Variants in PFAS observed in about 807,000 individuals in gnomAD.
The protein encoded by PFAS is phosphoribosylformylglycinamidine synthase.
PFAS carries 97 observed loss-of-function variants against 140.6 expected under a neutral mutation model. That is an observed-to-expected ratio of 0.69 (90% CI 0.59 to 0.82). PFAS has a LOEUF of 0.82. PFAS is among the 40% of genes least tolerant of loss of function. The probability of loss-of-function intolerance (pLI) is 0.00; values close to 1 mark genes in which losing one functional copy is unlikely to be tolerated. For synonymous variants in PFAS, 679 were observed against 718.8 expected (o/e 0.94, Z 0.88); for missense variants, 1,656 against 1,780.2 (o/e 0.93, Z 1.26).
chr17:8,256,121 A>G, intron 6 of PFAS, 146 bp from the exon 7 acceptor site: 1 of 911,838 alleles, frequency 1.1e-6, no homozygotes, highest in Non-Finnish European at 1.6e-6. Flanking sequence ...ATACTTGAAG[A>G]TTATGACTTT....
At chr17:8,261,351 C>G (rs558866527) in intron 11 of PFAS, among the ~76,000 whole-genome samples, 3 of 152,040 alleles carry the variant, frequency 2.0e-5, no homozygotes, top group East Asian at 3.9e-4. Flanking sequence ...ATTCCCCTGC[C>G]TCAGCCTCCC....
Position 8,266,428 on chromosome 17 carries a change from A to G in PFAS, c.2821+75A>G. 6.3e-7 allele frequency: 1 copy of G among 1,591,192 alleles called. No individual in the cohort carries two copies. The highest frequency in any genetic ancestry group is 2.2e-5 in the East Asian group (1 of 44,682). ...GCAGACCCCATTTCCAATATATTAA[A>G]GAGTGGAGTGCCCTCCAGTCCCCTT... On this transcript the variant is annotated intron_variant, in intron 22 of 27. Coordinates refer to ENST00000314666, the MANE Select transcript of PFAS (RefSeq NM_012393.3). The surrounding 1 kb of genome is among the most constrained non-coding windows in gnomAD (Gnocchi z 5.0).
At position 8,267,157 on chromosome 17, in the gene PFAS, C is replaced by T. The variant is rs146397875; in HGVS notation, c.3097C>T (p.Arg1033Trp). 5.2e-5 allele frequency: 83 copies of T among 1,610,600 alleles called. No homozygotes were observed. In the African/African-American group the frequency reaches 8.0e-4, roughly 16 times the overall value. The change falls in exon 24 of 28, where the codon CGG becomes TGG. Residue 1033 changes from arginine (R) to tryptophan (W), a missense_variant. Arg to Trp is a moderately radical substitution (Grantham distance 101). Transcript: ENST00000314666. The surrounding 1 kb of genome is among the most constrained non-coding windows in gnomAD (Gnocchi z 4.9). Reference protein sequence around the residue: ...AEPRCVAEEERGLRERMGPSY... With the variant: ...AEPRCVAEEEWGLRERMGPSY... ...GCCTCGCTGTGTGGCAGAGGAGGAA[C>T]GGGGCCTGAGGGAGCGGATGGGGCC...
At chr17:8,252,565 G>A (rs779037922) in intron 1 of PFAS, among the ~76,000 whole-genome samples, 2 of 151,362 alleles carry the variant, frequency 1.3e-5, no homozygotes, top group Non-Finnish European at 1.5e-5. Context: ...CACCACGCCC[G>A]GCTAATTTTG....
rs759024242 is a variant in PFAS at position 8,269,082 on chromosome 17, G to C, written c.3835G>C (p.Gly1279Arg). 1 of 1,614,162 alleles carries C rather than the reference G, an allele frequency of 6.2e-7. No individual in the cohort carries two copies. The highest frequency in any genetic ancestry group is 8.5e-7 in the Non-Finnish European group (1 of 1,179,996). Residue 1279 changes from glycine to arginine, a missense_variant, in exon 28 of 28, where the codon GGG becomes CGG. Physicochemically the swap from Gly to Arg is moderately radical, Grantham distance 125 (BLOSUM62 -2). Around this residue, in one of 2 missense-constraint regions of PFAS, gnomAD observed 883 missense variants for 1,023.0 expected, o/e 0.86. Transcript: ENST00000314666. ...CCCTCTGAATCCCAATGGGTCCCCAGGGGGCGTGGCTGGCATCTGCTCCTG... is the reference window on the plus strand; with the variant it reads ...CCCTCTGAATCCCAATGGGTCCCCACGGGGCGTGGCTGGCATCTGCTCCTG... ...QYPLNPNGSP[G>R]GVAGICSCDG...
Position 8,269,446 on chromosome 17 carries a change from G to T in PFAS, c.*182G>T. ...CTGCTGATGTTCCTTCTGTGGCTGT[G>T]TCTATTTTCAGTTCTGCTCTAACAT... On this transcript the variant is annotated 3_prime_UTR_variant, in exon 28 of 28. Transcript: ENST00000314666. The T allele has an allele frequency of 3.4e-6, 2 of 582,612 alleles. No homozygotes were observed. Among genetic ancestry groups the T allele is most frequent in the South Asian group, 2.2e-5 (1 of 44,846 alleles). 36.1% of individuals were successfully genotyped at this position (582,612 alleles called of 1,614,324 possible).
intron 3 of PFAS, 40 bp from the exon 4 acceptor site, chr17:8,254,987 C>A (rs764923770): frequency 1.4e-6 from 2 of 1,443,492 alleles, no homozygotes; most frequent in African/African-American, 1.4e-5. Flanking sequence ...TGAGGCCTGC[C>A]GGGGGTTCTC....
intron 1 of PFAS, among the ~76,000 whole-genome samples, chr17:8,251,916 G>A (rs1267136009): frequency 6.6e-6 from 1 of 151,742 alleles, no homozygotes; most frequent in Non-Finnish European, 1.5e-5. Flanking sequence ...CAAGTGATCT[G>A]CCCCTCTTGG....
In PFAS at chr17:8,266,750, C is replaced by T. The variant is rs200453233; in HGVS notation, c.2822-3C>T. 2.3e-4 allele frequency: 362 copies of T among 1,598,706 alleles called. 1 individual carries two copies. Among genetic ancestry groups the T allele is most frequent in the Non-Finnish European group, 2.5e-4 (290 of 1,173,400 alleles). On this transcript the variant is annotated splice_region_variant and splice_polypyrimidine_tract_variant and intron_variant, in intron 22 of 27. Transcript: ENST00000314666. The surrounding 1 kb of genome is among the most constrained non-coding windows in gnomAD (Gnocchi z 5.0). Reference sequence around the variant, plus strand: ...CCCCTGACTCCCCACATTGCTCTCCCAGTCCTGTCTGTGCTGTTCGCTGAG... The same window carrying T: ...CCCCTGACTCCCCACATTGCTCTCCTAGTCCTGTCTGTGCTGTTCGCTGAG...
At position 8,269,200 on chromosome 17, in the gene PFAS, C is replaced by G; in HGVS notation, c.3953C>G (p.Thr1318Ser). ...AWRPPPFDTLTTSPWLQLFIN... is the reference protein window; with the variant it reads ...AWRPPPFDTLSTSPWLQLFIN... ...CGACCCCCTCCATTTGATACTCTGA[C>G]CACCTCCCCCTGGCTCCAGCTCTTT... The change falls in exon 28 of 28, where the codon ACC (threonine) becomes AGC (serine). Residue 1318 changes from threonine to serine, a missense_variant. Physicochemically the swap from Thr to Ser is moderately conservative, Grantham distance 58. Transcript: ENST00000314666. 1 of 1,613,570 alleles carries G rather than the reference C, an allele frequency of 6.2e-7. No homozygotes were observed. The highest frequency in any genetic ancestry group is 1.1e-5 in the South Asian group (1 of 91,074).
chr17:8,254,247 G>T lies in PFAS; in HGVS notation c.224G>T (p.Arg75Leu), dbSNP rs186747150. 6.2e-7 allele frequency: 1 copy of T among 1,614,116 alleles called. No homozygotes were observed. Among genetic ancestry groups the T allele is most frequent in the Non-Finnish European group, 8.5e-7 (1 of 1,180,006 alleles). ...CCCTTACTGCTGGATGATGTTGCTC[G>T]GGAGTCCTGGCTCCTTCCTGGCTCC... The part of the protein sequence containing the change: ...GCPLLLDDVA[R>L]ESWLLPGSND... Residue 75 changes from arginine (R) to leucine (L), a missense_variant, in exon 3 of 28, where the codon CGG (arginine) becomes CTG (leucine). Coordinates refer to ENST00000314666, the MANE Select transcript of PFAS (RefSeq NM_012393.3).
At chr17:8,264,361 T>C in intron 16 of PFAS, 24 bp downstream of exon 16, 1 of 1,610,392 alleles carries the variant, frequency 6.2e-7, no homozygotes, top group Non-Finnish European at 8.5e-7. Context: ...AGGGGATGGG[T>C]TTTTCCTGTG....
intron 16 of PFAS, 40 bp from the exon 17 acceptor site, chr17:8,264,430 C>T (rs373674701): frequency 6.2e-7 from 1 of 1,612,668 alleles, no homozygotes; most frequent in Admixed American, 1.7e-5. Context: ...GCCCAGCCCG[C>T]CCCAGGTGTT....
chr17:8,250,087 G>A lies in PFAS; in HGVS notation c.-80+748G>A, dbSNP rs902582317. 3.3e-5 allele frequency among the ~76,000 whole-genome samples: 5 copies of A among 152,298 alleles called. No homozygotes were observed. In the East Asian group the frequency reaches 7.7e-4, roughly 23 times the overall value. On this transcript the variant is annotated intron_variant, in intron 1 of 27. Transcript: ENST00000314666. ...AATAACAAGAGCTAGCCATGCATAT[G>A]TCAGGGTGAAAAAAATGCCTTCCAG...
At chr17:8,258,222 T>C in intron 11 of PFAS, 23 bp downstream of exon 11, 1 of 1,612,916 alleles carries the variant, frequency 6.2e-7, no homozygotes, top group Non-Finnish European at 8.5e-7. Flanking sequence ...CACCTTTCTC[T>C]GGATCCAGCC....
intron 1 of PFAS, among the ~76,000 whole-genome samples, chr17:8,253,033 A>T (rs777240156): frequency 1.2e-4 from 18 of 152,142 alleles, no homozygotes; most frequent in South Asian, 2.1e-4. Flanking sequence ...ACCTCCAAAT[A>T]CCATAACATT....
Position 8,267,700 on chromosome 17 carries a change from C to A in PFAS, c.3382+35C>A. On this transcript the variant is annotated intron_variant, in intron 26 of 27. Coordinates refer to ENST00000314666, the MANE Select transcript of PFAS (RefSeq NM_012393.3). The surrounding 1 kb of genome is among the most constrained non-coding windows in gnomAD (Gnocchi z 4.9). ...CAGGCTTCTGCCCACTCCCTTCCCC[C>A]ACATTCCTGAAGAGGTGCCTTTAGC... 1 of 1,216,412 alleles carries A rather than the reference C, an allele frequency of 8.2e-7. No homozygotes were observed. The highest frequency in any genetic ancestry group is 1.2e-6 in the Non-Finnish European group (1 of 830,230). 75.4% of individuals were successfully genotyped at this position (1,216,412 alleles called of 1,614,324 possible). A position where few individuals can be genotyped will look rare whatever the true frequency, so the allele number is the denominator to read the frequency against.
At chr17:8,264,374 C>A in intron 16 of PFAS, 37 bp downstream of exon 16, 2 of 1,612,424 alleles carry the variant, frequency 1.2e-6, no homozygotes, top group Non-Finnish European at 1.7e-6. Context: ...TTCCTGTGGT[C>A]CTCTCCACAC....
In PFAS at chr17:8,270,276, G is replaced by A. The variant is rs964602257; in HGVS notation, c.*1012G>A. On this transcript the variant is annotated 3_prime_UTR_variant, in exon 28 of 28. Transcript: ENST00000314666. ...CTACTCTTCACTTACTGCATTGACT[G>A]TTGTTGATTAGTTATTATTGCAAAG... The A allele has an allele frequency of 6.6e-6, 1 of 152,174 alleles. No homozygotes were observed. Among genetic ancestry groups the A allele is most frequent in the Non-Finnish European group, 1.5e-5 (1 of 68,044 alleles). 9.4% of individuals were successfully genotyped at this position (152,174 alleles called of 1,614,324 possible). A position where few individuals can be genotyped will look rare whatever the true frequency, so the allele number is the denominator to read the frequency against.
Sources: allele counts gnomAD v4.1 joint callset (sites outside exome capture counted in the v4.1 genomes callset), GRCh38; gene constraint gnomAD v4.1.1; regional missense constraint gnomAD v4.1.1; non-coding constraint Gnocchi (gnomAD v3.1); transcripts MANE v1.5; gene names NCBI Gene and HGNC (gene_info 2026-07-23, HGNC 2026-07-21).